Variants in TNRC6B observed in about 807,000 individuals in gnomAD.
The protein encoded by TNRC6B is trinucleotide repeat-containing gene 6B protein.
A neutral mutation model predicts 203.6 loss-of-function variants in TNRC6B; 52 were observed. That is an observed-to-expected ratio of 0.26 (90% CI 0.20 to 0.32). The LOEUF is 0.32. TNRC6B is among the 10% of genes least tolerant of loss of function. TNRC6B has a pLI of 1.00. For synonymous variants in TNRC6B, 838 were observed against 845.7 expected (o/e 0.99, Z 0.16); for missense variants, 1,923 against 2,286.2 (o/e 0.84, Z 3.24).
In TNRC6B at chr22:40,178,086, T is replaced by G; in HGVS notation, c.-50T>G. On this transcript the variant is annotated 5_prime_UTR_variant, in exon 1 of 23. Transcript: ENST00000454349. ...TTTTTTGGACCTTTTTTCATTTCCA[T>G]TTCTACCTTGTATGCCTCAATTTGC... The G allele has an allele frequency of 6.2e-7, 1 of 1,601,790 alleles. No homozygotes were observed. Among genetic ancestry groups the G allele is most frequent in the East Asian group, 2.2e-5 (1 of 44,750 alleles).
At chr22:40,275,856 G>C (rs2146515588) in intron 7 of TNRC6B, among the ~76,000 whole-genome samples, 1 of 152,140 alleles carries the variant, frequency 6.6e-6, no homozygotes, top group Middle Eastern at 3.4e-3. Context: ...CTACTTGGGA[G>C]GATGAGGCAG....
At chr22:40,305,589 T>C (rs2071078791) in intron 15 of TNRC6B, among the ~76,000 whole-genome samples, 1 of 152,226 alleles carries the variant, frequency 6.6e-6, no homozygotes, top group Non-Finnish European at 1.5e-5. Context: ...GGTTACTACG[T>C]GACATCAAAG....
intron 1 of TNRC6B, among the ~76,000 whole-genome samples, chr22:40,099,388 A>T (rs1305944790): frequency 6.6e-6 from 1 of 152,082 alleles, no homozygotes; most frequent in Non-Finnish European, 1.5e-5. Context: ...GATTTGAAGC[A>T]CTCTTTTAAT....
chr22:40,235,715 GCTAT>G (rs1451910195), intron 1 of TNRC6B, among the ~76,000 whole-genome samples: 1 of 152,164 alleles, frequency 6.6e-6, no homozygotes, highest in Non-Finnish European at 1.5e-5. Flanking sequence ...TACCCTTGTG[GCTAT>G]CTGTCTATTC....
chr22:40,243,436 T>A (rs1205297645), intron 1 of TNRC6B, among the ~76,000 whole-genome samples: 1 of 152,126 alleles, frequency 6.6e-6, no homozygotes, highest in Non-Finnish European at 1.5e-5. Flanking sequence ...TTGAAATATA[T>A]CTGTTTTAGA....
intron 12 of TNRC6B, among the ~76,000 whole-genome samples, chr22:40,293,195 T>C (rs1003016023): frequency 4.3e-5 from 6 of 138,334 alleles, no homozygotes; most frequent in African/African-American, 1.0e-4. Context: ...CTTTTCTTTT[T>C]TTTTTTTTTT....
intron 4 of TNRC6B, among the ~76,000 whole-genome samples, chr22:40,169,288 C>A (rs1442791302): frequency 1.3e-5 from 2 of 151,826 alleles, no homozygotes; most frequent in Non-Finnish European, 2.9e-5. Context: ...CGCACCACCA[C>A]AACCAACTAA....
rs1049457929 is a variant in TNRC6B, at chr22:40,328,816, C to T, written c.*5575C>T. On this transcript the variant is annotated 3_prime_UTR_variant, in exon 23 of 23. Coordinates refer to ENST00000454349, the MANE Select transcript of TNRC6B (RefSeq NM_001162501.2). Reference sequence around the variant, plus strand: ...TAGAAAAGATCCATTTTTTCCCCATCCTCAGAGTTAAAATTCAACATTTAA... The same window carrying T: ...TAGAAAAGATCCATTTTTTCCCCATTCTCAGAGTTAAAATTCAACATTTAA... The T allele has an allele frequency of 3.3e-5, 5 of 152,146 alleles. No homozygotes were observed. The highest frequency in any genetic ancestry group is 1.2e-4 in the African/African-American group (5 of 41,408). 9.4% of individuals were successfully genotyped at this position (152,146 alleles called of 1,614,324 possible). A position where few individuals can be genotyped will look rare whatever the true frequency, so the allele number is the denominator to read the frequency against.
intron 13 of TNRC6B, 44 bp from the exon 14 acceptor site, chr22:40,300,866 T>C: frequency 1.3e-6 from 2 of 1,575,342 alleles, no homozygotes; most frequent in Non-Finnish European, 1.7e-6. Context: ...AGTAAATCAA[T>C]CTCAGGAAAC....
chr22:40,254,542 T>C (rs2070240336), intron 3 of TNRC6B, among the ~76,000 whole-genome samples: 1 of 151,986 alleles, frequency 6.6e-6, no homozygotes, highest in East Asian at 1.9e-4. Flanking sequence ...AAAAAAGATG[T>C]TAGAGTGATG....
chr22:40,243,777 G>T (rs554303951), intron 1 of TNRC6B, among the ~76,000 whole-genome samples: 2 of 152,096 alleles, frequency 1.3e-5, no homozygotes, highest in East Asian at 1.9e-4. Context: ...TAGAGATGGG[G>T]TTTCACCATG....
At position 40,330,525 on chromosome 22, in the gene TNRC6B, T is replaced by C. The variant is rs544251083; in HGVS notation, c.*7284T>C. 2.0e-5 allele frequency: 3 copies of C among 152,606 alleles called. No individual in the cohort carries two copies. The highest frequency in any genetic ancestry group is 2.9e-5 in the Non-Finnish European group (2 of 68,010). 9.5% of individuals were successfully genotyped at this position (152,606 alleles called of 1,614,324 possible). On this transcript the variant is annotated 3_prime_UTR_variant, in exon 23 of 23. Transcript: ENST00000454349. ...AGGTGGGTATTTAGGCAAAACAAAA[T>C]AAAAACCTTTGGAACCCTTTAAGAA...
intron 4 of TNRC6B, chr22:40,156,266 A>G: frequency 2.2e-6 from 3 of 1,358,626 alleles, no homozygotes; most frequent in Non-Finnish European, 3.1e-6. Flanking sequence ...CGTGTTTGTC[A>G]GAGATGTATA....
chr22:40,144,050 T>A (rs906057134), intron 3 of TNRC6B, among the ~76,000 whole-genome samples: 4 of 152,204 alleles, frequency 2.6e-5, no homozygotes, highest in African/African-American at 9.7e-5. Flanking sequence ...TGACTACAGT[T>A]CAAAAGACTA....
chr22:40,251,315 G>T, intron 3 of TNRC6B, 115 bp downstream of exon 3: 1 of 772,272 alleles, frequency 1.3e-6, no homozygotes. Flanking sequence ...AGTAATTAAG[G>T]TGGGTTGTTT....
At chr22:40,047,044 C>CATCT (rs1483654999) in intron 1 of TNRC6B, among the ~76,000 whole-genome samples, 1 of 152,170 alleles carries the variant, frequency 6.6e-6, no homozygotes, top group African/African-American at 2.4e-5. Context: ...AGCCTTTTGA[C>CATCT]ATCTTTTCCC....
In TNRC6B at chr22:40,329,695, T is replaced by C. The variant is rs1039883941; in HGVS notation, c.*6454T>C. 1 of 152,154 alleles carries C rather than the reference T, an allele frequency of 6.6e-6. No individual in the cohort carries two copies. Among genetic ancestry groups the C allele is most frequent in the Admixed American group, 6.5e-5 (1 of 15,280 alleles). The allele number at this position is 152,154 out of a possible 1,614,324, so 9.4% of individuals were successfully genotyped here. A position where few individuals can be genotyped will look rare whatever the true frequency, so the allele number is the denominator to read the frequency against. On this transcript the variant is annotated 3_prime_UTR_variant, in exon 23 of 23. Transcript: ENST00000454349. ...TCAGCACCCACACTGCCCGCATGCG[T>C]GTGGCCACCGGGACCAGATCCCGAG...
intron 1 of TNRC6B, among the ~76,000 whole-genome samples, chr22:40,110,349 A>G (rs868674583): frequency 4.6e-5 from 7 of 152,150 alleles, no homozygotes; most frequent in Non-Finnish European, 7.3e-5. Flanking sequence ...TGCTCTGAAA[A>G]CTTGCTGAGC....
intron 3 of TNRC6B, among the ~76,000 whole-genome samples, chr22:40,142,611 T>C (rs2068654433): frequency 6.6e-6 from 1 of 152,238 alleles, no homozygotes; most frequent in African/African-American, 2.4e-5. Context: ...TTACATCTCT[T>C]TGACTAGAGT....
Sources: allele counts gnomAD v4.1 joint callset (sites outside exome capture counted in the v4.1 genomes callset), GRCh38; gene constraint gnomAD v4.1.1; transcripts MANE v1.5; gene names NCBI Gene and HGNC (gene_info 2026-07-23, HGNC 2026-07-21).